SLC2A13: variants seen among roughly 807,000 people sequenced by gnomAD.
SLC2A13 encodes proton myo-inositol cotransporter.
SLC2A13 carries 32 observed loss-of-function variants against 64.4 expected under a neutral mutation model. The observed-to-expected ratio is 0.50, with a 90% CI of 0.37 to 0.67. SLC2A13 has a LOEUF of 0.67. SLC2A13 is among the 30% of genes least tolerant of loss of function. The pLI is 0.00. For missense variants in SLC2A13, 743 were observed against 829.2 expected (o/e 0.90, Z 1.28); for synonymous variants, 338 against 327.1 (o/e 1.03, Z -0.36).
At chr12:39,972,022 T>TTTATA (rs1555144676) in intron 3 of SLC2A13, among the ~76,000 whole-genome samples, 1 of 92,394 alleles carries the variant, frequency 1.1e-5, no homozygotes, top group Non-Finnish European at 2.0e-5. Context: ...ATATTTTTTT[T>TTTATA]TATATAAATA....
intron 7 of SLC2A13, among the ~76,000 whole-genome samples, chr12:39,766,316 C>T (rs1940347966): frequency 6.6e-6 from 1 of 152,082 alleles, no homozygotes; most frequent in African/African-American, 2.4e-5. Context: ...TTTCCCACTA[C>T]ATATAAAAGT....
intron 4 of SLC2A13, among the ~76,000 whole-genome samples, chr12:39,921,499 G>A (rs556663223): frequency 1.3e-5 from 2 of 152,218 alleles, no homozygotes; most frequent in African/African-American, 2.4e-5. Context: ...CTAACTGCCT[G>A]TATGTGAGTA....
chr12:39,988,185 T>C (rs1376336649), intron 3 of SLC2A13, among the ~76,000 whole-genome samples: 2 of 152,180 alleles, frequency 1.3e-5, no homozygotes, highest in Non-Finnish European at 2.9e-5. Context: ...GTTTTGTAAA[T>C]GTCTTATTTT....
Position 39,894,543 on chromosome 12 carries a change from G to T in SLC2A13, c.1035-22582C>A, listed in dbSNP as rs117445057. On this transcript the variant is annotated intron_variant, in intron 4 of 9. Transcript: ENST00000280871. ...TCCTCCTGCTGAATTGATTTAGCTT[G>T]CATACTGAAGTGGTTAAACCCAGAC... Among the ~76,000 whole-genome samples the T allele has an allele frequency of 3.9e-3, 592 of 152,294 alleles. 2 individuals carry two copies. The highest frequency in any genetic ancestry group is 6.5e-3 in the Non-Finnish European group (445 of 68,032).
At chr12:39,922,739 T>C (rs763154989) in intron 4 of SLC2A13, among the ~76,000 whole-genome samples, 1 of 152,214 alleles carries the variant, frequency 6.6e-6, no homozygotes, top group Non-Finnish European at 1.5e-5. Flanking sequence ...GCCAAACTTT[T>C]TTCTCTAGTA....
At chr12:39,923,840 A>G (rs1945667398) in intron 4 of SLC2A13, among the ~76,000 whole-genome samples, 1 of 151,992 alleles carries the variant, frequency 6.6e-6, no homozygotes, top group Admixed American at 6.6e-5. Context: ...CCTCCCTCGG[A>G]GCACATTATG....
intron 7 of SLC2A13, among the ~76,000 whole-genome samples, chr12:39,780,603 T>C (rs1487696797): frequency 6.6e-6 from 1 of 152,170 alleles, no homozygotes; most frequent in African/African-American, 2.4e-5. Context: ...AAACAATAAT[T>C]AGAACAGAAA....
intron 3 of SLC2A13, among the ~76,000 whole-genome samples, chr12:39,975,983 A>G (rs1479372750): frequency 6.6e-6 from 1 of 152,256 alleles, no homozygotes; most frequent in African/African-American, 2.4e-5. Context: ...TCCAAATATA[A>G]TAACTGCTAA....
chr12:39,780,966 T>G (rs1308517106), intron 7 of SLC2A13, among the ~76,000 whole-genome samples: 1 of 152,210 alleles, frequency 6.6e-6, no homozygotes, highest in Non-Finnish European at 1.5e-5. Flanking sequence ...TTGTAAATAA[T>G]GAGGAGATGG....
intron 1 of SLC2A13, among the ~76,000 whole-genome samples, chr12:40,073,579 C>T (rs1401508296): frequency 6.6e-6 from 1 of 152,018 alleles, no homozygotes; most frequent in Non-Finnish European, 1.5e-5. Context: ...GGCAAGTCTA[C>T]TGGCAACAAA....
chr12:39,838,367 G>A (rs1171339401), intron 6 of SLC2A13, among the ~76,000 whole-genome samples: 1 of 141,624 alleles, frequency 7.1e-6, no homozygotes, highest in African/African-American at 2.6e-5. Context: ...GGGAGGGATA[G>A]CATTGGGAGA....
At chr12:39,905,885 C>T (rs946485114) in intron 4 of SLC2A13, among the ~76,000 whole-genome samples, 1 of 150,504 alleles carries the variant, frequency 6.6e-6, no homozygotes, top group Non-Finnish European at 1.5e-5. Flanking sequence ...GATGAGATGT[C>T]CTTTGAAAAT....
intron 5 of SLC2A13, among the ~76,000 whole-genome samples, chr12:39,871,486 A>G (rs553566593): frequency 0.098 from 1,619 of 16,466 alleles, 24 homozygotes; most frequent in African/African-American, 0.38. Flanking sequence ...AAAAGGATAG[A>G]AAAAAAAAAC....
At chr12:39,925,413 T>G (rs1945708973) in intron 4 of SLC2A13, among the ~76,000 whole-genome samples, 1 of 152,170 alleles carries the variant, frequency 6.6e-6, no homozygotes, top group South Asian at 2.1e-4. Flanking sequence ...ATTAAATCTT[T>G]CAATTTCTGC....
intron 1 of SLC2A13, among the ~76,000 whole-genome samples, chr12:40,103,711 T>C (rs545412582): frequency 2.0e-5 from 3 of 152,314 alleles, no homozygotes; most frequent in Non-Finnish European, 2.9e-5. Context: ...TGATGTTATT[T>C]CTATGTCAGA....
At chr12:40,068,978 A>G (rs1937851797) in intron 1 of SLC2A13, among the ~76,000 whole-genome samples, 1 of 152,148 alleles carries the variant, frequency 6.6e-6, no homozygotes, top group South Asian at 2.1e-4. Context: ...CCACTGGTGA[A>G]CAGCCATGTC....
Position 39,759,792 on chromosome 12 carries a change from G to T in SLC2A13, c.*234C>A. ...TTTCAGGAAGGCATTACACACATTT[G>T]CTTAAGAATTATTAGATTAAAATCT... On this transcript the variant is annotated 3_prime_UTR_variant, in exon 10 of 10. Coordinates refer to ENST00000280871, the MANE Select transcript of SLC2A13 (RefSeq NM_052885.4). 2.1e-6 allele frequency: 1 copy of T among 485,120 alleles called. No homozygotes were observed. Among genetic ancestry groups the T allele is most frequent in the Non-Finnish European group, 3.7e-6 (1 of 273,438 alleles). The allele number at this position is 485,120 out of a possible 1,614,324, so 30.1% of individuals were successfully genotyped here. A position where few individuals can be genotyped will look rare whatever the true frequency, so the allele number is the denominator to read the frequency against.
intron 5 of SLC2A13, among the ~76,000 whole-genome samples, chr12:39,870,779 G>A (rs1944028139): frequency 6.6e-6 from 1 of 152,140 alleles, no homozygotes; most frequent in East Asian, 1.9e-4. Flanking sequence ...CCACTGCTTA[G>A]GCAAGAACAG....
At chr12:39,994,975 A>T (rs905918469) in intron 3 of SLC2A13, among the ~76,000 whole-genome samples, 3 of 152,256 alleles carry the variant, frequency 2.0e-5, no homozygotes. Context: ...ACTAAAAAAC[A>T]TTAATGGATA....
Sources: allele counts gnomAD v4.1 joint callset (sites outside exome capture counted in the v4.1 genomes callset), GRCh38; gene constraint gnomAD v4.1.1; transcripts MANE v1.5; gene names NCBI Gene and HGNC (gene_info 2026-07-23, HGNC 2026-07-21).